DPY19L1: variants seen among roughly 807,000 people sequenced by gnomAD.
DPY19L1 encodes the protein dpy-19 like C-mannosyltransferase 1, also known as protein C-mannosyl-transferase DPY19L1.
DPY19L1 carries 35 observed loss-of-function variants against 96.9 expected under a neutral mutation model. The observed-to-expected ratio is 0.36, with a 90% CI of 0.28 to 0.48. The LOEUF is 0.48. Ranked by LOEUF, DPY19L1 falls within the 20% of genes least tolerant of loss-of-function variation. The probability of loss-of-function intolerance (pLI) is 0.99; values close to 1 mark genes in which losing one functional copy is unlikely to be tolerated. For synonymous variants in DPY19L1, 205 were observed against 252.6 expected (o/e 0.81, Z 1.79); for missense variants, 521 against 777.9 (o/e 0.67, Z 3.93).
intron 3 of DPY19L1, among the ~76,000 whole-genome samples, chr7:35,014,497 A>T (rs1361140154): frequency 1.3e-5 from 2 of 152,146 alleles, no homozygotes; most frequent in Non-Finnish European, 2.9e-5. Context: ...TTGTATTTGC[A>T]TCTTCAGTTT....
chr7:34,967,848 A>T (rs924407686), intron 9 of DPY19L1, among the ~76,000 whole-genome samples: 8 of 152,212 alleles, frequency 5.3e-5, no homozygotes, highest in Non-Finnish European at 7.3e-5. Flanking sequence ...GAAAAACAAC[A>T]AAGTTTCCCT....
chr7:34,935,761 A>T (rs3906288), intron 21 of DPY19L1, among the ~76,000 whole-genome samples: 336 of 152,344 alleles, frequency 2.2e-3, no homozygotes, highest in Middle Eastern at 6.8e-3. Context: ...GTCCCAAACC[A>T]GGCAGAAAGC....
At chr7:35,035,085 G>T (rs1235181753) in intron 1 of DPY19L1, among the ~76,000 whole-genome samples, 1 of 152,218 alleles carries the variant, frequency 6.6e-6, no homozygotes, top group Non-Finnish European at 1.5e-5. Context: ...CAGAGCCAGA[G>T]AAAGAAGCAA....
chr7:35,032,474 CT>C (rs957243525), intron 1 of DPY19L1, among the ~76,000 whole-genome samples: 3 of 152,156 alleles, frequency 2.0e-5, no homozygotes, highest in African/African-American at 7.2e-5. Flanking sequence ...AGTAAGCCCC[CT>C]ATCAGTATAA....
intron 3 of DPY19L1, among the ~76,000 whole-genome samples, chr7:35,016,767 T>C (rs893595352): frequency 3.3e-5 from 5 of 152,192 alleles, no homozygotes; most frequent in Non-Finnish European, 5.9e-5. Context: ...AAGTCAAATC[T>C]TCTGATCCAT....
intron 9 of DPY19L1, among the ~76,000 whole-genome samples, chr7:34,968,851 G>A (rs920390550): frequency 8.6e-5 from 12 of 140,300 alleles, no homozygotes; most frequent in African/African-American, 1.3e-4. Flanking sequence ...AAAATAGTAC[G>A]CAGGGAGAAA....
intron 13 of DPY19L1, among the ~76,000 whole-genome samples, chr7:34,953,632 A>G (rs549522595): frequency 6.6e-6 from 1 of 152,064 alleles, no homozygotes; most frequent in South Asian, 2.1e-4. Context: ...TATTTTCCGA[A>G]TTTTCCGCTA....
chr7:34,984,243 A>T (rs994782171), intron 7 of DPY19L1, among the ~76,000 whole-genome samples: 1 of 152,236 alleles, frequency 6.6e-6, no homozygotes, highest in African/African-American at 2.4e-5. Flanking sequence ...ATCTGCAGGA[A>T]GAAATTAAGA....
intron 10 of DPY19L1, among the ~76,000 whole-genome samples, chr7:34,961,793 C>A (rs929453895): frequency 6.6e-6 from 1 of 151,926 alleles, no homozygotes; most frequent in African/African-American, 2.4e-5. Flanking sequence ...AAATGAACAA[C>A]CCAAGGAAAA....
chr7:35,032,946 C>T (rs750545441), intron 1 of DPY19L1, among the ~76,000 whole-genome samples: 1 of 152,156 alleles, frequency 6.6e-6, no homozygotes. Flanking sequence ...TTGCTAGGTC[C>T]GTGAACAGCC....
chr7:35,035,302 C>T (rs1786365577), intron 1 of DPY19L1, among the ~76,000 whole-genome samples: 1 of 152,158 alleles, frequency 6.6e-6, no homozygotes, highest in African/African-American at 2.4e-5. Flanking sequence ...AGTCAAGCAA[C>T]GTGCTATACT....
At chr7:34,974,337 C>T (rs1250364941) in intron 7 of DPY19L1, among the ~76,000 whole-genome samples, 1 of 152,188 alleles carries the variant, frequency 6.6e-6, no homozygotes, top group Non-Finnish European at 1.5e-5. Context: ...TATTAAGTCA[C>T]ACTAAAATAA....
intron 6 of DPY19L1, among the ~76,000 whole-genome samples, chr7:35,004,103 G>A (rs1359881296): frequency 6.6e-6 from 1 of 152,176 alleles, no homozygotes; most frequent in East Asian, 1.9e-4. Context: ...GAGACATCCT[G>A]ATCGTCACAT....
At chr7:34,973,493 A>G in intron 8 of DPY19L1, 21 bp downstream of exon 8, 1 of 1,447,062 alleles carries the variant, frequency 6.9e-7, no homozygotes, top group South Asian at 1.5e-5. Context: ...GCAAAAAGAA[A>G]TAAGGTTAAG....
In DPY19L1 at chr7:34,989,941, A is replaced by T. The variant is rs1388511445; in HGVS notation, c.765T>A (p.Ser255Arg). 8.1e-6 allele frequency: 13 copies of T among 1,608,062 alleles called. No homozygotes were observed. The highest frequency in any genetic ancestry group is 1.0e-5 in the Non-Finnish European group (12 of 1,178,180). ...TAACCAGGCCTCCTAATCGGCTGCC[A>T]CTGGAAAAGAAGAAAACATAACTCA... Reference protein sequence around the residue: ...ALFFIYGTYLSGSRLGGLVTV... With the variant: ...ALFFIYGTYLRGSRLGGLVTV... Residue 255 changes from serine to arginine, a missense_variant and splice_region_variant, in exon 7 of 22, where the codon AGT becomes AGA. Ser to Arg is a moderately radical substitution (Grantham distance 110). Coordinates refer to ENST00000638088, the MANE Select transcript of DPY19L1 (RefSeq NM_001366673.1).
In DPY19L1 at chr7:34,983,483, C is replaced by A. The variant is rs982171339; in HGVS notation, c.822+6401G>T. On this transcript the variant is annotated intron_variant, in intron 7 of 21. Coordinates refer to ENST00000638088, the MANE Select transcript of DPY19L1 (RefSeq NM_001366673.1). ...AATAAATGGAAATTCTAAGAAGGAA[C>A]GAAGGAAGAAAGGGAAAGAGAGGAA... 1.2e-4 allele frequency among the ~76,000 whole-genome samples: 16 copies of A among 131,484 alleles called. No individual in the cohort carries two copies. In the Admixed American group the frequency reaches 1.5e-3, roughly 12 times the overall value. 86.3% of individuals were successfully genotyped at this position (131,484 alleles called of 152,430 possible). A position where few individuals can be genotyped will look rare whatever the true frequency, so the allele number is the denominator to read the frequency against.
At chr7:34,948,168 C>T (rs1322314530) in intron 14 of DPY19L1, among the ~76,000 whole-genome samples, 4 of 140,062 alleles carry the variant, frequency 2.9e-5, no homozygotes, top group African/African-American at 1.0e-4. Context: ...TCTTTAGTAG[C>T]AGAAAAAAAA....
intron 19 of DPY19L1, 66 bp from the exon 20 acceptor site, chr7:34,939,441 G>A: frequency 7.3e-7 from 1 of 1,377,104 alleles, no homozygotes; most frequent in South Asian, 1.2e-5. Context: ...TCCTTCAAGT[G>A]TAAATCAATT....
intron 6 of DPY19L1, among the ~76,000 whole-genome samples, chr7:35,009,827 C>T (rs1473266747): frequency 3.3e-5 from 5 of 152,002 alleles, no homozygotes; most frequent in South Asian, 4.1e-4. Context: ...AGCACACACA[C>T]GTATACACGT....
Sources: allele counts gnomAD v4.1 joint callset (sites outside exome capture counted in the v4.1 genomes callset), GRCh38; gene constraint gnomAD v4.1.1; transcripts MANE v1.5; gene names NCBI Gene and HGNC (gene_info 2026-07-23, HGNC 2026-07-21).